RNF13: variants seen among roughly 807,000 people sequenced by gnomAD.
The protein encoded by RNF13 is ring finger protein 13.
In RNF13, 19 loss-of-function variants were observed where a neutral mutation model predicts 37.7. The observed-to-expected ratio is 0.50, with a 90% confidence interval of 0.35 to 0.74. RNF13 has a LOEUF of 0.74. Ranked by LOEUF, RNF13 falls within the 30% of genes least tolerant of loss-of-function variation. The probability of loss-of-function intolerance (pLI) is 0.01; values close to 1 mark genes in which losing one functional copy is unlikely to be tolerated. For synonymous variants in RNF13, 144 were observed against 157.8 expected (o/e 0.91, Z 0.65); for missense variants, 375 against 453.0 (o/e 0.83, Z 1.56).
chr3:149,827,255 G>C (rs1442730330), intron 1 of RNF13, among the ~76,000 whole-genome samples: 3 of 152,102 alleles, frequency 2.0e-5, no homozygotes, highest in Non-Finnish European at 4.4e-5. Flanking sequence ...CTAATCTAGA[G>C]ATGATTTAAA....
intron 4 of RNF13, among the ~76,000 whole-genome samples, chr3:149,884,458 A>C (rs1258040079): frequency 6.6e-6 from 1 of 151,646 alleles, no homozygotes; most frequent in African/African-American, 2.4e-5. Context: ...AATTCTGGAA[A>C]TTGTTAATCT....
intron 8 of RNF13, among the ~76,000 whole-genome samples, chr3:149,924,476 G>C (rs572290154): frequency 3.9e-5 from 6 of 152,258 alleles, no homozygotes; most frequent in Non-Finnish European, 8.8e-5. Flanking sequence ...AGACTGAGAA[G>C]GTGTGACCAA....
chr3:149,840,106 T>A (rs1435277983), intron 1 of RNF13, among the ~76,000 whole-genome samples: 1 of 152,206 alleles, frequency 6.6e-6, no homozygotes, highest in Non-Finnish European at 1.5e-5. Flanking sequence ...CAAGAATACA[T>A]CTTAAGTGTT....
At chr3:149,821,478 T>C (rs948754851) in intron 1 of RNF13, among the ~76,000 whole-genome samples, 29 of 152,204 alleles carry the variant, frequency 1.9e-4, no homozygotes, top group African/African-American at 6.5e-4. Context: ...TAGAGAAATG[T>C]CTATTCAAGT....
intron 1 of RNF13, among the ~76,000 whole-genome samples, chr3:149,824,002 A>G (rs1296078646): frequency 6.6e-6 from 1 of 152,196 alleles, no homozygotes; most frequent in Non-Finnish European, 1.5e-5. Flanking sequence ...ACAAGGCAGG[A>G]CTGGAAAATC....
intron 4 of RNF13, among the ~76,000 whole-genome samples, chr3:149,882,539 GA>G (rs1713547003): frequency 6.6e-6 from 1 of 152,096 alleles, no homozygotes; most frequent in Non-Finnish European, 1.5e-5. Context: ...TTTTCAAGGT[GA>G]AAACAGGCTT....
intron 1 of RNF13, among the ~76,000 whole-genome samples, chr3:149,821,547 A>G (rs1235211211): frequency 1.3e-5 from 2 of 152,032 alleles, no homozygotes; most frequent in Non-Finnish European, 2.9e-5. Context: ...GTGTTTTTAT[A>G]TACTCCAGAT....
intron 6 of RNF13, among the ~76,000 whole-genome samples, chr3:149,905,998 C>T (rs1000833098): frequency 6.6e-6 from 1 of 152,188 alleles, no homozygotes; most frequent in African/African-American, 2.4e-5. Flanking sequence ...CCCAGTCCTT[C>T]TTCGTCCACT....
chr3:149,858,966 A>G (rs1484694718), intron 3 of RNF13, among the ~76,000 whole-genome samples: 3 of 152,218 alleles, frequency 2.0e-5, no homozygotes, highest in Non-Finnish European at 4.4e-5. Flanking sequence ...AAATGCAAAC[A>G]TTGCAAAGAA....
rs772927372 is a variant in RNF13, at chr3:149,961,042, G to A, written c.1084G>A (p.Asp362Asn). ...SDAENEINEH[D>N]VVVQLQPNGE... The stretch of plus-strand genomic sequence containing the variant: ...TGCAGAAAATGAAATTAATGAACAT[G>A]ATGTCGTGGTCCAGTTGCAGCCTAA... The change falls in exon 10 of 10, where the codon GAT becomes AAT. Residue 362 changes from aspartate (D) to asparagine (N), a missense_variant. Transcript: ENST00000392894. 5 of 1,614,112 alleles carry A rather than the reference G, an allele frequency of 3.1e-6. No individual in the cohort carries two copies. Among genetic ancestry groups the A allele is most frequent in the Non-Finnish European group, 4.2e-6 (5 of 1,179,940 alleles).
At chr3:149,954,458 T>C (rs995531045) in intron 8 of RNF13, among the ~76,000 whole-genome samples, 1 of 152,140 alleles carries the variant, frequency 6.6e-6, no homozygotes, top group Non-Finnish European at 1.5e-5. Context: ...AAAAAGAAAC[T>C]ATCATAGTAA....
At chr3:149,818,772 G>A (rs553406654) in intron 1 of RNF13, among the ~76,000 whole-genome samples, 1 of 152,198 alleles carries the variant, frequency 6.6e-6, no homozygotes, top group African/African-American at 2.4e-5. Context: ...TTAGCCAGAT[G>A]TGGTGGCGTG....
chr3:149,960,265 T>C, intron 9 of RNF13, 129 bp downstream of exon 9: 1 of 645,570 alleles, frequency 1.5e-6, no homozygotes, highest in Non-Finnish European at 2.7e-6. Flanking sequence ...ATTAGTGGTC[T>C]CATTCAAGGA....
At chr3:149,859,041 C>G (rs555012827) in intron 3 of RNF13, among the ~76,000 whole-genome samples, 4 of 152,246 alleles carry the variant, frequency 2.6e-5, no homozygotes, top group Admixed American at 6.5e-5. Context: ...AGGAAAGAAG[C>G]TCAGTGCCAC....
chr3:149,939,526 A>G (rs1326929416), intron 8 of RNF13: 5 of 583,442 alleles, frequency 8.6e-6, no homozygotes, highest in Admixed American at 1.9e-5. Flanking sequence ...TGTTATTTCA[A>G]GGCCCCCAGA....
rs529640222 is a variant in RNF13, at chr3:149,914,450, T to C, written c.606+2367T>C. On this transcript the variant is annotated intron_variant, in intron 7 of 9. Coordinates refer to ENST00000392894, the MANE Select transcript of RNF13 (RefSeq NM_183381.3). The stretch of plus-strand genomic sequence containing the variant: ...TCCATTATGGTAATTTGTTTGTTGA[T>C]TCCCTTGGGGTTTCAGCATAGAAGC... 9.9e-5 allele frequency among the ~76,000 whole-genome samples: 15 copies of C among 152,278 alleles called. No homozygotes were observed. The East Asian group carries it at 2.7e-3, about 27-fold the overall frequency.
At chr3:149,911,928 G>A in intron 6 of RNF13, 50 bp from the exon 7 acceptor site, 1 of 964,876 alleles carries the variant, frequency 1.0e-6, no homozygotes, top group Non-Finnish European at 1.7e-6. Flanking sequence ...ATTAACATCA[G>A]AATTTAACAA....
chr3:149,852,909 C>T (rs1723245781), intron 3 of RNF13, among the ~76,000 whole-genome samples: 1 of 151,530 alleles, frequency 6.6e-6, no homozygotes, highest in Non-Finnish European at 1.5e-5. Context: ...TGTACACACA[C>T]ATTTACATAT....
At chr3:149,845,149 G>A (rs1427975999) in intron 1 of RNF13, among the ~76,000 whole-genome samples, 1 of 152,120 alleles carries the variant, frequency 6.6e-6, no homozygotes, top group Non-Finnish European at 1.5e-5. Context: ...CAGAGTTTGA[G>A]TCTATATGGC....
Sources: allele counts gnomAD v4.1 joint callset (sites outside exome capture counted in the v4.1 genomes callset), GRCh38; gene constraint gnomAD v4.1.1; transcripts MANE v1.5; gene names NCBI Gene and HGNC (gene_info 2026-07-23, HGNC 2026-07-21).